The following CD80 variants were observed in gnomAD, a reference collection of about 807,000 sequenced individuals.
CD80 encodes CD80 molecule.
In CD80, 13 loss-of-function variants were observed where a neutral mutation model predicts 27.1. The observed-to-expected ratio is 0.48, with a 90% CI of 0.31 to 0.76. The LOEUF is 0.76. Among genes scored for constraint, CD80 ranks in the 30% least tolerant of loss-of-function variants. The probability of loss-of-function intolerance (pLI) is 0.04; values close to 1 mark genes in which losing one functional copy is unlikely to be tolerated. For synonymous variants in CD80, 125 were observed against 125.5 expected (o/e 1.00, Z 0.03); for missense variants, 277 against 347.9 (o/e 0.80, Z 1.62).
intron 2 of CD80, among the ~76,000 whole-genome samples, chr3:119,548,535 C>T (rs2082213104): frequency 2.0e-5 from 3 of 152,264 alleles, no homozygotes; most frequent in South Asian, 2.1e-4. Flanking sequence ...CATTCATTCT[C>T]GTGGCCTTAT....
chr3:119,553,043 T>C (rs1483160567), intron 2 of CD80, among the ~76,000 whole-genome samples: 1 of 152,058 alleles, frequency 6.6e-6, no homozygotes, highest in Non-Finnish European at 1.5e-5. Flanking sequence ...CCTTCTGGAA[T>C]TCGATAGTGA....
intron 2 of CD80, among the ~76,000 whole-genome samples, chr3:119,550,870 T>C (rs1336459376): frequency 6.6e-6 from 1 of 152,190 alleles, no homozygotes; most frequent in Non-Finnish European, 1.5e-5. Context: ...TGCTCACATC[T>C]ACTCTCGTGG....
rs2082190123 is a variant in CD80, at chr3:119,544,658, G to T, written c.310C>A (p.Leu104Met). Residue 104 changes from leucine to methionine, a missense_variant, in exon 3 of 7, where the codon CTG becomes ATG. Coordinates refer to ENST00000264246, the MANE Select transcript of CD80 (RefSeq NM_005191.4). Reference sequence around the variant, plus strand: ...CCCTCGTCAGATGGGCGCAGAGCCAGGATCACAATGGAGAGGTTATTAGTG... The same window carrying T: ...CCCTCGTCAGATGGGCGCAGAGCCATGATCACAATGGAGAGGTTATTAGTG... ...DITNNLSIVILALRPSDEGTY... is the reference protein window; with the variant it reads ...DITNNLSIVIMALRPSDEGTY... 2.5e-6 allele frequency: 4 copies of T among 1,614,066 alleles called. No homozygotes were observed. The highest frequency in any genetic ancestry group is 3.4e-6 in the Non-Finnish European group (4 of 1,180,016).
intron 6 of CD80, chr3:119,527,453 T>C (rs567719761): frequency 4.4e-4 from 148 of 336,406 alleles, no homozygotes; most frequent in South Asian, 1.0e-3. Flanking sequence ...CACAGGAATA[T>C]TCAAGATGAA....
At chr3:119,558,939 C>T (rs2082278456) in intron 1 of CD80, among the ~76,000 whole-genome samples, 1 of 152,130 alleles carries the variant, frequency 6.6e-6, no homozygotes, top group African/African-American at 2.4e-5. Context: ...TGAGTGTCCT[C>T]TTTGGAGACC....
intron 1 of CD80, among the ~76,000 whole-genome samples, chr3:119,558,173 G>A (rs1214192958): frequency 6.6e-6 from 1 of 152,126 alleles, no homozygotes; most frequent in African/African-American, 2.4e-5. Flanking sequence ...GTTAGAAACA[G>A]GAGAGCTCTA....
At chr3:119,536,831 T>C (rs188259366) in intron 4 of CD80, among the ~76,000 whole-genome samples, 58 of 152,368 alleles carry the variant, frequency 3.8e-4, no homozygotes, top group Middle Eastern at 6.8e-3. Flanking sequence ...GTATTTTTAC[T>C]GTACCTTTCC....
rs1196689194 is a variant in CD80, at chr3:119,554,055, C to G, written c.100+3574G>C. ...CTCCTCGTGTTCACACTGTTCCTGACTTTTCCCCCTGTTTAGACCCTGCTC... is the reference window on the plus strand; with the variant it reads ...CTCCTCGTGTTCACACTGTTCCTGAGTTTTCCCCCTGTTTAGACCCTGCTC... On this transcript the variant is annotated intron_variant, in intron 2 of 6. Transcript: ENST00000264246. 2.6e-5 allele frequency among the ~76,000 whole-genome samples: 4 copies of G among 152,238 alleles called. No individual in the cohort carries two copies. In the South Asian group the frequency reaches 8.3e-4, roughly 32 times the overall value.
intron 3 of CD80, among the ~76,000 whole-genome samples, chr3:119,541,436 C>T (rs924573089): frequency 7.2e-5 from 11 of 152,164 alleles, no homozygotes; most frequent in African/African-American, 9.7e-5. Flanking sequence ...GGGTAACCAA[C>T]GTGTCCTATT....
At chr3:119,545,168 ACT>A (rs1200115407) in intron 2 of CD80, among the ~76,000 whole-genome samples, 1 of 152,106 alleles carries the variant, frequency 6.6e-6, no homozygotes, top group Non-Finnish European at 1.5e-5. Context: ...ACATGGTGAA[ACT>A]CTGTCTCTAC....
intron 4 of CD80, among the ~76,000 whole-genome samples, chr3:119,536,127 T>C (rs2082136461): frequency 6.6e-6 from 1 of 151,878 alleles, no homozygotes; most frequent in Non-Finnish European, 1.5e-5. Context: ...GGCTGGCGCC[T>C]GTAATCCCAG....
intron 6 of CD80, among the ~76,000 whole-genome samples, chr3:119,526,174 T>C (rs1288076077): frequency 6.6e-5 from 10 of 152,132 alleles, no homozygotes; most frequent in African/African-American, 2.4e-4. Flanking sequence ...GTTGCTTTTC[T>C]CAATAAACCT....
chr3:119,526,734 C>A (rs761552544), intron 6 of CD80, among the ~76,000 whole-genome samples: 1 of 152,110 alleles, frequency 6.6e-6, no homozygotes, highest in Non-Finnish European at 1.5e-5. Flanking sequence ...GTTGTATAAG[C>A]GTCAGGTATT....
intron 2 of CD80, 137 bp from the exon 3 acceptor site, chr3:119,545,004 G>A: frequency 1.5e-6 from 1 of 685,356 alleles, no homozygotes; most frequent in Non-Finnish European, 2.4e-6. Context: ...TTGATTTTTG[G>A]GGTCCCCAAT....
rs146803495 is a variant in CD80, at chr3:119,558,910, G to T, written c.-201+530C>A. 3.9e-3 allele frequency among the ~76,000 whole-genome samples: 599 copies of T among 152,202 alleles called. 2 individuals are homozygous for T. The highest frequency in any genetic ancestry group is 0.014 in the African/African-American group (574 of 41,510). ...CAGGCTGCTACCAGGACACAGCCCC[G>T]TGCTGCTCAGAGAATGCTTGAGTGT... On this transcript the variant is annotated intron_variant, in intron 1 of 6. Coordinates refer to ENST00000264246, the MANE Select transcript of CD80 (RefSeq NM_005191.4).
intron 2 of CD80, among the ~76,000 whole-genome samples, chr3:119,548,293 C>T (rs778323571): frequency 3.9e-5 from 6 of 152,202 alleles, no homozygotes; most frequent in Admixed American, 3.9e-4. Context: ...GATGAGACAT[C>T]GTGAGCATTC....
chr3:119,529,783 T>C (rs916612024), intron 5 of CD80, 59 bp downstream of exon 5: 2 of 1,166,560 alleles, frequency 1.7e-6, no homozygotes, highest in East Asian at 2.4e-5. Context: ...TGCCGAACCA[T>C]GGTAATAAAG....
chr3:119,550,369 T>C (rs1378366862), intron 2 of CD80, among the ~76,000 whole-genome samples: 1 of 152,220 alleles, frequency 6.6e-6, no homozygotes, highest in Non-Finnish European at 1.5e-5. Context: ...ATTTTGGTGA[T>C]GGCTTCTGAG....
At chr3:119,546,990 T>C (rs1383329679) in intron 2 of CD80, among the ~76,000 whole-genome samples, 1 of 152,204 alleles carries the variant, frequency 6.6e-6, no homozygotes, top group African/African-American at 2.4e-5. Flanking sequence ...AAAACCTTCA[T>C]CTGTCACCTT....
Sources: gnomAD v4.1 joint callset for allele counts (sites outside exome capture counted in the v4.1 genomes callset) on GRCh38, gnomAD v4.1.1 for gene constraint, MANE v1.5 for transcripts, NCBI Gene and HGNC (gene_info 2026-07-23, HGNC 2026-07-21) for gene names.